Variants in ROBO2 observed in about 807,000 individuals in gnomAD.
ROBO2 encodes roundabout homolog 2.
In ROBO2, 53 loss-of-function variants were observed where a neutral mutation model predicts 160.8. The ratio of observed to expected loss-of-function variants is 0.33; its 90% CI spans 0.26 to 0.41. ROBO2 has a LOEUF of 0.41. ROBO2 is among the 10% of genes least tolerant of loss of function. The probability of loss-of-function intolerance (pLI) is 1.00; values close to 1 mark genes in which losing one functional copy is unlikely to be tolerated. For missense variants in ROBO2, 1,577 were observed against 1,722.4 expected (o/e 0.92, Z 1.49); for synonymous variants, 664 against 611.7 (o/e 1.09, Z -1.26).
intron 23 of ROBO2, among the ~76,000 whole-genome samples, chr3:77,625,282 T>G (rs892072857): frequency 6.6e-6 from 1 of 152,214 alleles, no homozygotes; most frequent in Non-Finnish European, 1.5e-5. Flanking sequence ...GAATGCCTAT[T>G]ACTTCTAATC....
chr3:76,696,891 T>C (rs1024427324), intron 2 of ROBO2, among the ~76,000 whole-genome samples: 11 of 152,326 alleles, frequency 7.2e-5, no homozygotes, highest in African/African-American at 2.4e-4. Flanking sequence ...CCTCATATTA[T>C]ATTTGGATGT....
chr3:77,332,743 TA>T (rs1292890452), intron 2 of ROBO2, among the ~76,000 whole-genome samples: 1 of 152,220 alleles, frequency 6.6e-6, no homozygotes, highest in Non-Finnish European at 1.5e-5. Context: ...GGGTTATCAT[TA>T]TAATAAAAAC....
rs139988158 is a variant in ROBO2 at position 76,068,031 on chromosome 3, G to T, written c.109+130429G>T. On this transcript the variant is annotated intron_variant, in intron 2 of 26. Transcript: ENST00000487694. Reference sequence around the variant, plus strand: ...CTTAATATGTCATGTATTGGTAAGTGCTAAGGAGAAGAAATACACATGGAG... The same window carrying T: ...CTTAATATGTCATGTATTGGTAAGTTCTAAGGAGAAGAAATACACATGGAG... Among the ~76,000 whole-genome samples, 1,266 of 152,276 alleles carry T rather than the reference G, an allele frequency of 8.3e-3. 26 individuals carry two copies. Among genetic ancestry groups the T allele is most frequent in the African/African-American group, 0.029 (1,208 of 41,576 alleles).
chr3:76,540,119 A>C (rs772133887), intron 2 of ROBO2, among the ~76,000 whole-genome samples: 3 of 152,212 alleles, frequency 2.0e-5, no homozygotes, highest in Non-Finnish European at 2.9e-5. Context: ...AGGAAACAAA[A>C]AAAAAAGGTT....
At chr3:76,101,955 G>C (rs1245560604) in intron 2 of ROBO2, among the ~76,000 whole-genome samples, 1 of 147,350 alleles carries the variant, frequency 6.8e-6, no homozygotes, top group African/African-American at 2.6e-5. Flanking sequence ...GTGTCCAAGT[G>C]TTCCCATTAT....
chr3:77,403,620 T>TA (rs2076015690), intron 2 of ROBO2, among the ~76,000 whole-genome samples: 6 of 25,084 alleles, frequency 2.4e-4, no homozygotes, highest in African/African-American at 1.2e-3. Context: ...GTGTGTGTAT[T>TA]TTTTTTTTTA....
chr3:77,285,932 A>G (rs1009762172), intron 2 of ROBO2, among the ~76,000 whole-genome samples: 4 of 152,150 alleles, frequency 2.6e-5, no homozygotes, highest in Non-Finnish European at 5.9e-5. Flanking sequence ...ATAAATACCA[A>G]TGCCCTATAT....
chr3:77,416,127 T>C (rs2077196319), intron 2 of ROBO2, among the ~76,000 whole-genome samples: 1 of 152,174 alleles, frequency 6.6e-6, no homozygotes, highest in African/African-American at 2.4e-5. Flanking sequence ...AGTAAAGTTC[T>C]TGACAATAAG....
At chr3:76,619,276 C>T (rs2088863073) in intron 2 of ROBO2, among the ~76,000 whole-genome samples, 1 of 150,070 alleles carries the variant, frequency 6.7e-6, no homozygotes, top group Non-Finnish European at 1.5e-5. Context: ...GGAGGCGGAG[C>T]TTGCAGTGAG....
chr3:75,943,031 G>A (rs1948127035), intron 2 of ROBO2, among the ~76,000 whole-genome samples: 1 of 152,020 alleles, frequency 6.6e-6, no homozygotes, highest in African/African-American at 2.4e-5. Flanking sequence ...TCTGAAGAAA[G>A]GGATTTCTTT....
chr3:77,039,687 C>A (rs547489888), upstream of ROBO2, among the ~76,000 whole-genome samples: 67 of 152,188 alleles, frequency 4.4e-4, no homozygotes, highest in African/African-American at 1.5e-3. Context: ...CACTCCCCAG[C>A]GGGCGGGTGG....
intron 1 of ROBO2, among the ~76,000 whole-genome samples, chr3:75,917,212 C>T (rs976994432): frequency 6.6e-5 from 10 of 152,078 alleles, no homozygotes; most frequent in African/African-American, 2.4e-4. Context: ...CGACAGGCCC[C>T]AGTGTGTGAT....
At chr3:76,046,841 A>G (rs971203245) in intron 2 of ROBO2, among the ~76,000 whole-genome samples, 2 of 150,480 alleles carry the variant, frequency 1.3e-5, no homozygotes, top group South Asian at 2.1e-4. Context: ...TACTGGTTAC[A>G]TTTCCTCCTT....
intron 2 of ROBO2, among the ~76,000 whole-genome samples, chr3:76,549,020 C>G (rs1250755869): frequency 6.6e-6 from 1 of 152,020 alleles, no homozygotes; most frequent in Non-Finnish European, 1.5e-5. Flanking sequence ...GATAGAGTAT[C>G]ACACTAATAA....
chr3:76,820,585 C>T (rs1158354102), intron 2 of ROBO2, among the ~76,000 whole-genome samples: 2 of 151,914 alleles, frequency 1.3e-5, no homozygotes, highest in South Asian at 4.2e-4. Context: ...TTAGCCATGG[C>T]CAAATAAATT....
intron 2 of ROBO2, among the ~76,000 whole-genome samples, chr3:77,165,477 T>C (rs190863180): frequency 0.016 from 2,404 of 149,000 alleles, 36 homozygotes; most frequent in Non-Finnish European, 0.026. Context: ...TGTTCACTTG[T>C]TTATCTGCTG....
At chr3:76,478,365 T>C (rs1301883462) in intron 2 of ROBO2, among the ~76,000 whole-genome samples, 1 of 151,782 alleles carries the variant, frequency 6.6e-6, no homozygotes, top group Non-Finnish European at 1.5e-5. Context: ...AACTCATCAT[T>C]TTTTATGGCT....
At chr3:77,598,485 G>GTATATA (rs1398104462) in intron 19 of ROBO2, among the ~76,000 whole-genome samples, 6 of 131,820 alleles carry the variant, frequency 4.6e-5, no homozygotes, top group African/African-American at 1.9e-4. Context: ...TTTATATAGT[G>GTATATA]TGTATATATA....
At chr3:76,254,900 T>A (rs1343406906) in intron 2 of ROBO2, among the ~76,000 whole-genome samples, 2 of 152,072 alleles carry the variant, frequency 1.3e-5, no homozygotes, top group South Asian at 2.1e-4. Context: ...GCTCACTGTA[T>A]CCACTGTATT....
Sources: gnomAD v4.1 joint callset for allele counts (sites outside exome capture counted in the v4.1 genomes callset) on GRCh38, gnomAD v4.1.1 for gene constraint, MANE v1.5 for transcripts, NCBI Gene and HGNC (gene_info 2026-07-23, HGNC 2026-07-21) for gene names.